The following CELSR1 variants were observed in gnomAD, a reference collection of about 807,000 sequenced individuals.
The protein encoded by CELSR1 is adhesion G protein-coupled receptor C1.
Under a neutral mutation model 249.1 loss-of-function variants are expected in CELSR1, and 110 were observed. The ratio of observed to expected loss-of-function variants is 0.44; its 90% CI spans 0.38 to 0.52. The LOEUF (loss-of-function observed/expected upper bound fraction) is 0.52, where lower values mean the gene tolerates loss of function less well. CELSR1 is among the 20% of genes least tolerant of loss of function. CELSR1 has a pLI of 0.00. For missense variants in CELSR1, 4,109 were observed against 4,296.4 expected (o/e 0.96, Z 1.22); for synonymous variants, 2,113 against 1,900.0 (o/e 1.11, Z -2.92).
At chr22:46,422,144 C>A (rs975491961) in intron 5 of CELSR1, among the ~76,000 whole-genome samples, 1 of 152,028 alleles carries the variant, frequency 6.6e-6, no homozygotes, top group African/African-American at 2.4e-5. Flanking sequence ...CTCACTCTGT[C>A]GCCCAGGCTA....
chr22:46,493,743 G>C (rs189511753), intron 1 of CELSR1, among the ~76,000 whole-genome samples: 7 of 152,160 alleles, frequency 4.6e-5, no homozygotes, highest in Admixed American at 3.9e-4. Flanking sequence ...GAGATCTGAC[G>C]TTTTTATAGA....
intron 1 of CELSR1, among the ~76,000 whole-genome samples, chr22:46,515,125 AC>A (rs3838179): frequency 0.59 from 89,254 of 151,278 alleles, 26,505 homozygotes; most frequent in East Asian, 0.75. Context: ...AGCAGAGCCA[AC>A]CCCCCCCGGG....
rs551810909 is a variant in CELSR1 at position 46,464,497 on chromosome 22, T to C, written c.3545-152A>G. 7.4e-5 allele frequency: 58 copies of C among 786,170 alleles called. No individual in the cohort carries two copies. Among genetic ancestry groups the C allele is most frequent in the Non-Finnish European group, 1.1e-4 (55 of 506,422 alleles). 48.7% of individuals were successfully genotyped at this position (786,170 alleles called of 1,614,324 possible). A position where few individuals can be genotyped will look rare whatever the true frequency, so the allele number is the denominator to read the frequency against. On this transcript the variant is annotated intron_variant, in intron 1 of 34. Transcript: ENST00000674500. The surrounding 1 kb of genome is among the most constrained non-coding windows in gnomAD (Gnocchi z 8.5). Reference sequence around the variant, plus strand: ...CCATTCCCCACCCATGACCACCACCTTGACCCTTCCTCCTTCAGCACCCTG... The same window carrying C: ...CCATTCCCCACCCATGACCACCACCCTGACCCTTCCTCCTTCAGCACCCTG...
chr22:46,428,081 C>T lies in CELSR1; in HGVS notation c.4611+5312G>A, dbSNP rs77820160. On this transcript the variant is annotated intron_variant, in intron 5 of 34. Transcript: ENST00000674500. This position sits in a 1 kb window ranked among gnomAD's most constrained non-coding sequence, Gnocchi z 5.7. ...CCTAATGACAGCAGGACCTAGCGGT[C>T]ATCTCAAGGTCATGGAAATCTCAAA... Among the ~76,000 whole-genome samples, 1,635 of 152,254 alleles carry T rather than the reference C, an allele frequency of 0.011. 34 individuals are homozygous for T. Among genetic ancestry groups the T allele is most frequent in the African/African-American group, 0.036 (1,475 of 41,532 alleles).
Position 46,398,549 on chromosome 22 carries a change from C to T in CELSR1, c.5501G>A (p.Arg1834His), listed in dbSNP as rs777685055. Residue 1834 changes from arginine (R) to histidine (H), a missense_variant, in exon 11 of 35, where the codon CGC becomes CAC. Arg to His is a conservative substitution (Grantham distance 29). This residue lies in a region of CELSR1 where 1,805 missense variants were observed against 1,831.6 expected (regional missense o/e 0.99). Transcript: ENST00000674500. The surrounding 1 kb of genome is among the most constrained non-coding windows in gnomAD (Gnocchi z 7.2). Reference sequence around the variant, plus strand: ...CTGCATGCAGCCTCGGAATCCACGGCGCACGGAGACCTTGTCTTCAGAGGC... The same window carrying T: ...CTGCATGCAGCCTCGGAATCCACGGTGCACGGAGACCTTGTCTTCAGAGGC... Reference protein sequence around the residue: ...GGASEDKVSVRRGFRGCMQGV... With the variant: ...GGASEDKVSVHRGFRGCMQGV... The T allele has an allele frequency of 6.2e-6, 10 of 1,612,938 alleles. No individual in the cohort carries two copies. The highest frequency in any genetic ancestry group is 4.5e-5 in the East Asian group (2 of 44,842).
In CELSR1 at chr22:46,409,279, C is replaced by A; in HGVS notation, c.5060-117G>T. The A allele has an allele frequency of 1.9e-6, 2 of 1,066,486 alleles. No homozygotes were observed. The highest frequency in any genetic ancestry group is 2.7e-6 in the Non-Finnish European group (2 of 750,006). The allele number at this position is 1,066,486 out of a possible 1,614,324, so 66.1% of individuals were successfully genotyped here. A position where few individuals can be genotyped will look rare whatever the true frequency, so the allele number is the denominator to read the frequency against. ...GGCCTGGGCCTTTTTCACTTTAACA[C>A]GAAGGTGGGTCTGAGCCTCCCCTCT... On this transcript the variant is annotated intron_variant, in intron 8 of 34. Transcript: ENST00000674500. This position sits in a 1 kb window ranked among gnomAD's most constrained non-coding sequence, Gnocchi z 9.8.
At chr22:46,524,111 C>A (rs552327822) in intron 1 of CELSR1, among the ~76,000 whole-genome samples, 15 of 152,376 alleles carry the variant, frequency 9.8e-5, no homozygotes, top group Admixed American at 7.8e-4. Flanking sequence ...CTGTCAGCAC[C>A]ACGATTAGAG....
At chr22:46,392,829 G>C (rs1253424491) in intron 14 of CELSR1, among the ~76,000 whole-genome samples, 2 of 152,202 alleles carry the variant, frequency 1.3e-5, no homozygotes, top group African/African-American at 4.8e-5. Flanking sequence ...GAGTAGCTGT[G>C]ATTACAGGCA....
chr22:46,425,338 C>A (rs950934837), intron 5 of CELSR1, among the ~76,000 whole-genome samples: 2 of 152,192 alleles, frequency 1.3e-5, no homozygotes, highest in African/African-American at 4.8e-5. Flanking sequence ...TCTCTATTTT[C>A]TGGAAGAGAT....
chr22:46,380,236 G>A lies in CELSR1; in HGVS notation c.7256+552C>T, dbSNP rs913716260. On this transcript the variant is annotated intron_variant, in intron 22 of 34. Coordinates refer to ENST00000674500, the MANE Select transcript of CELSR1 (RefSeq NM_001378328.1). This position sits in a 1 kb window ranked among gnomAD's most constrained non-coding sequence, Gnocchi z 5.1. Reference sequence around the variant, plus strand: ...GATTCTCGCGCACAGATTCTCCTGCGTTCGCCACTCTGTGACTCTCTGACG... The same window carrying A: ...GATTCTCGCGCACAGATTCTCCTGCATTCGCCACTCTGTGACTCTCTGACG... 1.2e-4 allele frequency among the ~76,000 whole-genome samples: 19 copies of A among 152,178 alleles called. No individual in the cohort carries two copies. Among genetic ancestry groups the A allele is most frequent in the Non-Finnish European group, 7.3e-5 (5 of 68,044 alleles).
rs1169966680 is a variant in CELSR1 at position 46,518,791 on chromosome 22, G to C, written c.3544+14836C>G. ...TGGCTCGCCTGTAATCCAGCACTTT[G>C]GGAGGCCAAGGCGGGTGGATCACTT... On this transcript the variant is annotated intron_variant, in intron 1 of 34. Transcript: ENST00000674500. The surrounding 1 kb of genome is among the most constrained non-coding windows in gnomAD (Gnocchi z 5.2). 6.6e-6 allele frequency among the ~76,000 whole-genome samples: 1 copy of C among 152,172 alleles called. No homozygotes were observed. The highest frequency in any genetic ancestry group is 1.5e-5 in the Non-Finnish European group (1 of 68,034).
rs1290640330 is a variant in CELSR1, at chr22:46,529,349, C to T, written c.3544+4278G>A. Among the ~76,000 whole-genome samples the T allele has an allele frequency of 2.0e-5, 3 of 152,118 alleles. No homozygotes were observed. The East Asian group carries it at 5.8e-4, about 29-fold the overall frequency. On this transcript the variant is annotated intron_variant, in intron 1 of 34. Coordinates refer to ENST00000674500, the MANE Select transcript of CELSR1 (RefSeq NM_001378328.1). ...ATTATGTTAAGTGAAATAAGCCAGG[C>T]ACAGAAAAACAAATATCCCACGTTC...
intron 1 of CELSR1, among the ~76,000 whole-genome samples, chr22:46,477,039 CA>C (rs1200133737): frequency 3.9e-5 from 6 of 152,284 alleles, no homozygotes; most frequent in African/African-American, 1.4e-4. Context: ...TTCTAAAGGG[CA>C]TTTCAAGAAC....
intron 1 of CELSR1, among the ~76,000 whole-genome samples, chr22:46,525,449 CA>C (rs10585540): frequency 4.4e-4 from 65 of 146,352 alleles, no homozygotes; most frequent in African/African-American, 5.5e-4. Flanking sequence ...AACTCTGTCT[CA>C]AAAAAAAAAA....
chr22:46,387,612 G>T (rs1345810689), intron 18 of CELSR1, among the ~76,000 whole-genome samples: 1 of 152,082 alleles, frequency 6.6e-6, no homozygotes, highest in East Asian at 1.9e-4. Context: ...GCCCATCTCG[G>T]CCTCCCAAAG....
chr22:46,401,377 G>C lies in CELSR1; in HGVS notation c.5227-1475C>G, dbSNP rs2079209196. ...TACGAACATGAGACAAAATATTAAA[G>C]AATGTCTGTTTGAAGACACTGAAGT... On this transcript the variant is annotated intron_variant, in intron 9 of 34. Transcript: ENST00000674500. The surrounding 1 kb of genome is among the most constrained non-coding windows in gnomAD (Gnocchi z 4.7). 6.6e-6 allele frequency among the ~76,000 whole-genome samples: 1 copy of C among 152,198 alleles called. No homozygotes were observed. Among genetic ancestry groups the C allele is most frequent in the African/African-American group, 2.4e-5 (1 of 41,446 alleles).
chr22:46,400,794 A>G (rs1242458325), intron 9 of CELSR1, among the ~76,000 whole-genome samples: 1 of 152,060 alleles, frequency 6.6e-6, no homozygotes, highest in East Asian at 1.9e-4. Flanking sequence ...TCTACTAAAA[A>G]TACAAAAATT....
Position 46,455,332 on chromosome 22 carries a change from C to T in CELSR1, c.4183+8375G>A, listed in dbSNP as rs534903895. 3.9e-5 allele frequency among the ~76,000 whole-genome samples: 6 copies of T among 152,270 alleles called. No homozygotes were observed. The South Asian group carries it at 6.2e-4, about 16-fold the overall frequency. On this transcript the variant is annotated intron_variant, in intron 2 of 34. Coordinates refer to ENST00000674500, the MANE Select transcript of CELSR1 (RefSeq NM_001378328.1). ...GTAACCTCCGCCTCCCAGGTTCAAG[C>T]GATTCTCCTGCCTCAGTCTCCCAAG... is the stretch of plus-strand genomic sequence containing the variant.
chr22:46,536,195 C>T lies in CELSR1; in HGVS notation c.976G>A (p.Val326Met), dbSNP rs376246294. The change falls in exon 1 of 35, where the codon GTG becomes ATG. Residue 326 changes from valine (V) to methionine (M), a missense_variant. Physicochemically the swap from Val to Met is conservative, Grantham distance 21. This residue lies in a region of CELSR1 where 673 missense variants were observed against 636.8 expected (regional missense o/e 1.06). Transcript: ENST00000674500. The stretch of plus-strand genomic sequence containing the variant: ...GAGCGCGGCGGCGTACTGTAGTCCA[C>T]GGCTTTCACCCTGAGGACGTGCGTC... Reference protein sequence around the residue: ...KETHVLRVKAVDYSTPPRSAT... With the variant: ...KETHVLRVKAMDYSTPPRSAT... 7.4e-6 allele frequency: 12 copies of T among 1,612,574 alleles called. No homozygotes were observed. Among genetic ancestry groups the T allele is most frequent in the African/African-American group, 1.3e-5 (1 of 74,860 alleles).
Sources: gnomAD v4.1 joint callset for allele counts (sites outside exome capture counted in the v4.1 genomes callset) on GRCh38, gnomAD v4.1.1 for gene constraint, gnomAD v4.1.1 regional missense constraint, Gnocchi (gnomAD v3.1) non-coding constraint, MANE v1.5 for transcripts, NCBI Gene and HGNC (gene_info 2026-07-23, HGNC 2026-07-21) for gene names.